RNLS: variants seen among roughly 807,000 people sequenced by gnomAD.
RNLS encodes the protein renalase, FAD dependent amine oxidase.
Under a neutral mutation model 39.8 loss-of-function variants are expected in RNLS, and 39 were observed. The observed-to-expected ratio is 0.98, with a 90% CI of 0.76 to 1.28. RNLS has a LOEUF of 1.28. Ranked by LOEUF, RNLS falls within the 50% of genes most tolerant of loss-of-function variation. RNLS has a pLI of 0.00. For synonymous variants in RNLS, 147 were observed against 150.7 expected, an observed-to-expected ratio of 0.98 and a Z score of 0.18; for missense variants, 410 against 413.3, an observed-to-expected ratio of 0.99 and a Z score of 0.07.
At chr10:88,489,665 G>C (rs555830972) in intron 4 of RNLS, among the ~76,000 whole-genome samples, 11 of 152,252 alleles carry the variant, frequency 7.2e-5, no homozygotes, top group Admixed American at 5.9e-4. Context: ...CTGCAGAGAG[G>C]GCCACATCAA....
intron 6 of RNLS, among the ~76,000 whole-genome samples, chr10:88,303,867 C>A (rs532203197): frequency 6.6e-6 from 1 of 152,186 alleles, no homozygotes; most frequent in Non-Finnish European, 1.5e-5. Context: ...ACTTCCAGTG[C>A]GACTGTGTAC....
chr10:88,523,282 T>G (rs1846874376), intron 4 of RNLS, among the ~76,000 whole-genome samples: 1 of 152,094 alleles, frequency 6.6e-6, no homozygotes, highest in Admixed American at 6.6e-5. Flanking sequence ...CTGCTTTCCA[T>G]GCATCCCACT....
chr10:88,438,310 T>C (rs1443933010), intron 4 of RNLS, among the ~76,000 whole-genome samples: 1 of 152,112 alleles, frequency 6.6e-6, no homozygotes, highest in Non-Finnish European at 1.5e-5. Flanking sequence ...TGGAGCATGG[T>C]GACTTTATTG....
chr10:88,188,066 C>CT, the RNLS span, among the ~76,000 whole-genome samples: 53 of 151,346 alleles, frequency 3.5e-4, no homozygotes, highest in Admixed American at 2.4e-3. Flanking sequence ...GTTTCTTTTT[C>CT]TTTTTTTTTG....
chr10:88,427,345 T>C (rs983981792), intron 4 of RNLS, among the ~76,000 whole-genome samples: 12 of 152,022 alleles, frequency 7.9e-5, no homozygotes, highest in African/African-American at 1.2e-4. Context: ...GGTGGCTGGC[T>C]CTTTATGGCA....
intron 5 of RNLS, among the ~76,000 whole-genome samples, chr10:88,330,156 T>G (rs10887805): frequency 0.29 from 43,377 of 148,268 alleles, 8,180 homozygotes; most frequent in African/African-American, 0.53. Context: ...TATCTCTCTC[T>G]ATATATATTT....
the RNLS span, among the ~76,000 whole-genome samples, chr10:88,234,184 G>A: frequency 1.3e-5 from 2 of 151,364 alleles, no homozygotes; most frequent in South Asian, 2.1e-4. Context: ...GGGACCAGAC[G>A]GAAAAGAGGA....
the RNLS span, among the ~76,000 whole-genome samples, chr10:88,235,800 G>A: frequency 6.6e-6 from 1 of 152,000 alleles, no homozygotes; most frequent in African/African-American, 2.4e-5. Context: ...GAGAGAGATA[G>A]AGAGGTTTTT....
intron 4 of RNLS, among the ~76,000 whole-genome samples, chr10:88,396,930 T>G (rs564584869): frequency 6.6e-6 from 1 of 151,778 alleles, no homozygotes; most frequent in Non-Finnish European, 1.5e-5. Flanking sequence ...TAAGAAAATA[T>G]AACAATAATA....
At chr10:88,546,736 A>C (rs946953976) in intron 4 of RNLS, among the ~76,000 whole-genome samples, 5 of 152,204 alleles carry the variant, frequency 3.3e-5, no homozygotes, top group Non-Finnish European at 7.4e-5. Context: ...ATAATTAAAC[A>C]AGAAATAATC....
At chr10:88,409,327 A>T (rs1853509360) in intron 4 of RNLS, among the ~76,000 whole-genome samples, 1 of 152,188 alleles carries the variant, frequency 6.6e-6, no homozygotes, top group South Asian at 2.1e-4. Context: ...AAAGCGTTAA[A>T]CATGCATTTC....
the RNLS span, among the ~76,000 whole-genome samples, chr10:88,221,255 A>G: frequency 6.6e-6 from 1 of 152,244 alleles, no homozygotes; most frequent in Non-Finnish European, 1.5e-5. Context: ...TTAGAGAGCC[A>G]TCATTCCTTC....
chr10:88,425,106 C>T (rs764095047), intron 4 of RNLS, among the ~76,000 whole-genome samples: 1 of 152,066 alleles, frequency 6.6e-6, no homozygotes, highest in Non-Finnish European at 1.5e-5. Flanking sequence ...CCATTGGCAG[C>T]ATGTTACTGA....
the RNLS span, among the ~76,000 whole-genome samples, chr10:88,213,967 T>A: frequency 6.6e-6 from 1 of 152,182 alleles, no homozygotes; most frequent in Non-Finnish European, 1.5e-5. Flanking sequence ...ATTCATGGGC[T>A]TACACAAACT....
At chr10:88,282,525 ACG>A (rs1484695967), downstream of RNLS, among the ~76,000 whole-genome samples, 3 of 134,944 alleles carry the variant, frequency 2.2e-5, no homozygotes, top group African/African-American at 8.1e-5. Flanking sequence ...ACACACACAC[ACG>A]CTTGGATGAG....
chr10:88,365,118 C>T (rs537398026), intron 4 of RNLS, among the ~76,000 whole-genome samples: 1 of 151,860 alleles, frequency 6.6e-6, no homozygotes, highest in African/African-American at 2.4e-5. Flanking sequence ...TATATAGAAA[C>T]AGCAATTAAC....
intron 6 of RNLS, among the ~76,000 whole-genome samples, chr10:88,311,309 G>C (rs1287548236): frequency 6.6e-6 from 1 of 152,182 alleles, no homozygotes; most frequent in African/African-American, 2.4e-5. Context: ...GACATTTTCA[G>C]TAATTCTGCT....
chr10:88,455,934 C>T (rs1227414913), intron 4 of RNLS, among the ~76,000 whole-genome samples: 3 of 152,194 alleles, frequency 2.0e-5, no homozygotes, highest in Non-Finnish European at 4.4e-5. Flanking sequence ...CATTAAAAGC[C>T]TCCCAAGAGG....
At chr10:88,295,549 T>C (rs1844024691) in intron 6 of RNLS, among the ~76,000 whole-genome samples, 1 of 152,178 alleles carries the variant, frequency 6.6e-6, no homozygotes, top group Non-Finnish European at 1.5e-5. Context: ...ACTTGTATTG[T>C]GGACTCCTGA....
Sources: gnomAD v4.1 joint callset for allele counts (sites outside exome capture counted in the v4.1 genomes callset) on GRCh38, gnomAD v4.1.1 for gene constraint, MANE v1.5 for transcripts, NCBI Gene and HGNC (gene_info 2026-07-23, HGNC 2026-07-21) for gene names.